Variants in HNRNPUL1 observed in about 807,000 individuals in gnomAD.
The protein encoded by HNRNPUL1 is heterogeneous nuclear ribonucleoprotein U like 1, also known as heterogeneous nuclear ribonucleoprotein U-like protein 1.
Under a neutral mutation model 108.5 loss-of-function variants are expected in HNRNPUL1, and 14 were observed. That is an observed-to-expected ratio of 0.13 (90% CI 0.09 to 0.20). The LOEUF is 0.20. Among genes scored for constraint, HNRNPUL1 ranks in the 10% least tolerant of loss-of-function variants. HNRNPUL1 has a pLI of 1.00. For synonymous variants in HNRNPUL1, 422 were observed against 445.2 expected, an observed-to-expected ratio of 0.95 and a Z score of 0.66; for missense variants, 804 against 1,168.3, an observed-to-expected ratio of 0.69 and a Z score of 4.55.
intron 11 of HNRNPUL1, 31 bp from the exon 12 acceptor site, chr19:41,302,634 T>A: frequency 6.2e-7 from 1 of 1,614,044 alleles, no homozygotes; most frequent in Non-Finnish European, 8.5e-7. Flanking sequence ...CTCTTCTTCT[T>A]GTTCTCTTTG....
chr19:41,264,231 T>G (rs1350662408), upstream of HNRNPUL1: 3 of 348,846 alleles, frequency 8.6e-6, no homozygotes, highest in African/African-American at 2.1e-5. Flanking sequence ...CTCCTAGGCC[T>G]TCTCGTGGCC....
At chr19:41,272,014 G>A in intron 2 of HNRNPUL1, 68 bp from the exon 3 acceptor site, 1 of 1,553,492 alleles carries the variant, frequency 6.4e-7, no homozygotes, top group Non-Finnish European at 8.8e-7. Context: ...CAAGGGAAAA[G>A]GGACCAGAAA....
At chr19:41,284,062 G>T (rs540804971) in intron 7 of HNRNPUL1, among the ~76,000 whole-genome samples, 7 of 152,270 alleles carry the variant, frequency 4.6e-5, no homozygotes, top group South Asian at 2.1e-4. Flanking sequence ...AAGTGATCTC[G>T]CAATTCTTGT....
upstream of HNRNPUL1, among the ~76,000 whole-genome samples, chr19:41,263,824 A>T (rs547584116): frequency 6.6e-6 from 1 of 151,990 alleles, no homozygotes; most frequent in African/African-American, 2.4e-5. Context: ...TTGTTTTGAA[A>T]CCGCCCTAAC....
At chr19:41,290,122 A>G (rs2036497951) in intron 7 of HNRNPUL1, among the ~76,000 whole-genome samples, 1 of 152,154 alleles carries the variant, frequency 6.6e-6, no homozygotes, top group East Asian at 1.9e-4. Flanking sequence ...AAGCTCCTCA[A>G]GGGAGGGTGC....
intron 7 of HNRNPUL1, among the ~76,000 whole-genome samples, chr19:41,288,440 C>T (rs1223687155): frequency 3.9e-5 from 6 of 152,012 alleles, no homozygotes; most frequent in Non-Finnish European, 8.8e-5. Flanking sequence ...GACAGGGTTT[C>T]ACCATGTTGG....
Position 41,302,842 on chromosome 19 carries a change from G to C in HNRNPUL1, c.1865G>C (p.Gly622Ala). The change falls in exon 12 of 15, where the codon GGT (glycine) becomes GCT (alanine). Residue 622 changes from glycine (G) to alanine (A), a missense_variant. Coordinates refer to ENST00000392006, the MANE Select transcript of HNRNPUL1 (RefSeq NM_007040.6). ...RGGGGFRGRG[G>A]GGGFQRYENR... ...GGTGGTGGCTTCCGGGGCCGCGGGG[G>C]TGGTGGTGGCTTCCAGCGCTATGAA... The C allele has an allele frequency of 6.3e-7, 1 of 1,592,360 alleles. No homozygotes were observed. The highest frequency in any genetic ancestry group is 1.3e-5 in the African/African-American group (1 of 74,470).
upstream of HNRNPUL1, among the ~76,000 whole-genome samples, chr19:41,263,508 C>T (rs2034621729): frequency 6.6e-6 from 1 of 152,192 alleles, no homozygotes. Context: ...AGCAAGGCGG[C>T]CGCGGACTAC....
At chr19:41,266,425 C>T (rs1271838372) in intron 1 of HNRNPUL1, among the ~76,000 whole-genome samples, 1 of 151,970 alleles carries the variant, frequency 6.6e-6, no homozygotes, top group Non-Finnish European at 1.5e-5. Flanking sequence ...AAAAGTGAAA[C>T]TCCGTCTCAA....
chr19:41,264,206 C>T, upstream of HNRNPUL1: 2 of 311,594 alleles, frequency 6.4e-6, no homozygotes, highest in Non-Finnish European at 5.9e-6. Flanking sequence ...TAGGCCAACG[C>T]TTCCTCCCCA....
At chr19:41,288,894 C>T (rs1253715771) in intron 7 of HNRNPUL1, among the ~76,000 whole-genome samples, 1 of 152,138 alleles carries the variant, frequency 6.6e-6, no homozygotes, top group Non-Finnish European at 1.5e-5. Flanking sequence ...ACTCCTACTT[C>T]CCCATTGGAG....
At chr19:41,301,150 C>T (rs1233592312) in intron 10 of HNRNPUL1, among the ~76,000 whole-genome samples, 1 of 152,192 alleles carries the variant, frequency 6.6e-6, no homozygotes, top group Admixed American at 6.5e-5. Context: ...GGAAGTAGGG[C>T]TGGCACTAAG....
chr19:41,294,309 G>C lies in HNRNPUL1; in HGVS notation c.1267-29G>C. The C allele has an allele frequency of 6.2e-7, 1 of 1,611,512 alleles. No individual in the cohort carries two copies. The highest frequency in any genetic ancestry group is 8.5e-7 in the Non-Finnish European group (1 of 1,178,518). On this transcript the variant is annotated intron_variant, in intron 8 of 14. Transcript: ENST00000392006. The surrounding 1 kb of genome is among the most constrained non-coding windows in gnomAD (Gnocchi z 4.3). ...CCAAGTGGTGCCATACCACCATGCC[G>C]CAACACCTTCCCTGTCTTGTTCTTG...
intron 5 of HNRNPUL1, 126 bp from the exon 6 acceptor site, chr19:41,278,951 C>T (rs1245805045): frequency 2.2e-5 from 16 of 726,480 alleles, no homozygotes; most frequent in Middle Eastern, 2.4e-4. Flanking sequence ...GCTGCTTAAA[C>T]GCTTCTTCTC....
chr19:41,264,017 A>C (rs1227483883), upstream of HNRNPUL1, among the ~76,000 whole-genome samples: 2 of 152,204 alleles, frequency 1.3e-5, no homozygotes, highest in East Asian at 3.9e-4. Context: ...GTTTGATGAA[A>C]GGACTGCGCA....
upstream of HNRNPUL1, among the ~76,000 whole-genome samples, chr19:41,263,976 C>G (rs2034643795): frequency 6.6e-6 from 1 of 152,196 alleles, no homozygotes; most frequent in South Asian, 2.1e-4. Context: ...GAGATGTACA[C>G]CAATCGGAAT....
Position 41,294,785 on chromosome 19 carries a change from A to G in HNRNPUL1, c.1518+99A>G. On this transcript the variant is annotated intron_variant, in intron 10 of 14. Coordinates refer to ENST00000392006, the MANE Select transcript of HNRNPUL1 (RefSeq NM_007040.6). The surrounding 1 kb of genome is among the most constrained non-coding windows in gnomAD (Gnocchi z 4.3). ...TCCCTTTCTTTTTTCCCCCGTAATGATGATGGACTGCTGTGCTAGTCGGGG... is the reference window on the plus strand; with the variant it reads ...TCCCTTTCTTTTTTCCCCCGTAATGGTGATGGACTGCTGTGCTAGTCGGGG... The G allele has an allele frequency of 1.4e-6, 2 of 1,413,262 alleles. No individual in the cohort carries two copies. The highest frequency in any genetic ancestry group is 2.4e-5 in the South Asian group (2 of 83,224). The allele number at this position is 1,413,262 out of a possible 1,614,324, so 87.5% of individuals were successfully genotyped here.
intron 6 of HNRNPUL1, among the ~76,000 whole-genome samples, chr19:41,280,267 G>C (rs2035825908): frequency 6.6e-6 from 1 of 152,088 alleles, no homozygotes; most frequent in Non-Finnish European, 1.5e-5. Flanking sequence ...TGGGTACGAT[G>C]TACATTTTTT....
At chr19:41,303,261 A>G (rs560593831) in intron 12 of HNRNPUL1, among the ~76,000 whole-genome samples, 2 of 151,740 alleles carry the variant, frequency 1.3e-5, no homozygotes, top group East Asian at 1.9e-4. Flanking sequence ...ATCAAAATCT[A>G]TTGGAAATGG....
Sources: allele counts gnomAD v4.1 joint callset (sites outside exome capture counted in the v4.1 genomes callset), GRCh38; gene constraint gnomAD v4.1.1; non-coding constraint Gnocchi (gnomAD v3.1); transcripts MANE v1.5; gene names NCBI Gene and HGNC (gene_info 2026-07-23, HGNC 2026-07-21).